NECTIN1: variants seen among roughly 807,000 people sequenced by gnomAD.
NECTIN1 encodes the protein nectin cell adhesion molecule 1.
A neutral mutation model predicts 48.0 loss-of-function variants in NECTIN1; 23 were observed. The observed-to-expected ratio is 0.48, with a 90% CI of 0.34 to 0.68. The LOEUF is 0.68. NECTIN1 is among the 30% of genes least tolerant of loss of function. The pLI, the probability that NECTIN1 is intolerant of heterozygous loss-of-function variation, is 0.01. For missense variants in NECTIN1, 591 were observed against 709.9 expected (o/e 0.83, Z 1.90); for synonymous variants, 270 against 288.9 (o/e 0.93, Z 0.66).
intron 7 of NECTIN1, among the ~76,000 whole-genome samples, chr11:119,638,560 C>T (rs1211134493): frequency 6.6e-6 from 1 of 152,140 alleles, no homozygotes; most frequent in African/African-American, 2.4e-5. Flanking sequence ...AGGTTGTCAT[C>T]TCTTAGGGTG....
intron 1 of NECTIN1, chr11:119,713,789 C>G (rs2134337088): frequency 2.2e-6 from 1 of 453,726 alleles, no homozygotes; most frequent in Admixed American, 2.4e-5. Context: ...CTCTGGAGGG[C>G]AGCTCCTATC....
chr11:119,664,682 G>A lies in NECTIN1; in HGVS notation c.*65C>T, dbSNP rs1232271157. ...GCTCCTGGAGTGGGAGGTGGGGGGT[G>A]GGCAGGGGGCGTGCGGGGAGGGGCT... On this transcript the variant is annotated 3_prime_UTR_variant, in exon 6 of 6. Coordinates refer to ENST00000264025, the MANE Select transcript of NECTIN1 (RefSeq NM_002855.5). The A allele has an allele frequency of 3.4e-6, 5 of 1,486,572 alleles. No individual in the cohort carries two copies. In the African/African-American group the frequency reaches 7.0e-5, roughly 21 times the overall value. 92.1% of individuals were successfully genotyped at this position (1,486,572 alleles called of 1,614,324 possible).
At chr11:119,657,579 C>CA (rs1253368141), downstream of NECTIN1, among the ~76,000 whole-genome samples, 1 of 145,422 alleles carries the variant, frequency 6.9e-6, no homozygotes, top group African/African-American at 2.6e-5. Flanking sequence ...TGCACCACTG[C>CA]ACTCTAGCCT....
At position 119,668,951 on chromosome 11, in the gene NECTIN1, C is replaced by T. The variant is rs767033827; in HGVS notation, c.1004-3654G>A. Among the ~76,000 whole-genome samples the T allele has an allele frequency of 8.5e-4, 130 of 152,282 alleles. 1 individual carries two copies. The Middle Eastern group carries it at 0.014, about 16-fold the overall frequency. On this transcript the variant is annotated intron_variant, in intron 5 of 5. Coordinates refer to ENST00000264025, the MANE Select transcript of NECTIN1 (RefSeq NM_002855.5). Reference sequence around the variant, plus strand: ...TAAGCTCACTATTGTTACATTTGTGCTTTCTTCAACAGCAGAGACCCAATA... The same window carrying T: ...TAAGCTCACTATTGTTACATTTGTGTTTTCTTCAACAGCAGAGACCCAATA...
chr11:119,712,623 C>T (rs977712174), intron 1 of NECTIN1, among the ~76,000 whole-genome samples: 7 of 152,150 alleles, frequency 4.6e-5, no homozygotes, highest in Non-Finnish European at 7.4e-5. Flanking sequence ...CCTTTTCTTC[C>T]TCCCTCCCTT....
chr11:119,721,890 G>A (rs1290912635), intron 1 of NECTIN1, among the ~76,000 whole-genome samples: 1 of 152,254 alleles, frequency 6.6e-6, no homozygotes, highest in Non-Finnish European at 1.5e-5. Context: ...GGTCAGCTCT[G>A]GCTGGGCCAC....
rs1591494793 is a variant in NECTIN1, at chr11:119,728,473, A to C, written c.79+2T>G. The C allele has an allele frequency of 6.2e-7, 1 of 1,600,646 alleles. No individual in the cohort carries two copies. Among genetic ancestry groups the C allele is most frequent in the Non-Finnish European group, 8.5e-7 (1 of 1,174,918 alleles). On this transcript the variant is annotated splice_donor_variant, in intron 1 of 5. Coordinates refer to ENST00000264025, the MANE Select transcript of NECTIN1 (RefSeq NM_002855.5). LOFTEE classifies it high-confidence loss of function. ...GGGGACAGCAGAGGTGAGCGCTCTT[A>C]CCTGGGAGGAAGAATGCGGTCAAGC...
At chr11:119,680,939 C>T (rs1565389701) in intron 1 of NECTIN1, among the ~76,000 whole-genome samples, 1 of 152,244 alleles carries the variant, frequency 6.6e-6, no homozygotes, top group Admixed American at 6.5e-5. Flanking sequence ...CTGCCTTTAG[C>T]AGGCAGTGGG....
chr11:119,714,685 A>T (rs945444833), intron 1 of NECTIN1, among the ~76,000 whole-genome samples: 2 of 151,862 alleles, frequency 1.3e-5, no homozygotes, highest in Admixed American at 6.5e-5. Context: ...TTAATTCCTT[A>T]ATTCCTACTG....
At position 119,694,254 on chromosome 11, in the gene NECTIN1, G is replaced by C. The variant is rs377625189; in HGVS notation, c.80-15489C>G. ...GGCAGGGTCGGACCCAGGGAGAAGA[G>C]GGGTGGGAAGGAGTGATCTGAGCCT... On this transcript the variant is annotated intron_variant, in intron 1 of 5. Transcript: ENST00000264025. 3.6e-4 allele frequency among the ~76,000 whole-genome samples: 55 copies of C among 152,306 alleles called. 2 individuals are homozygous for C. The South Asian group carries it at 1.0e-2, about 28-fold the overall frequency.
At position 119,677,533 on chromosome 11, in the gene NECTIN1, C is replaced by T. The variant is rs755754443; in HGVS notation, c.733+22G>A. On this transcript the variant is annotated intron_variant, in intron 3 of 5. Transcript: ENST00000264025. This position sits in a 1 kb window ranked among gnomAD's most constrained non-coding sequence, Gnocchi z 5.4. ...ACAGTGGCGCCCACCCCAGGAGGCC[C>T]CTGGCAGCCAGCCCTGCTCACACTG... 3 of 1,612,174 alleles carry T rather than the reference C, an allele frequency of 1.9e-6. No homozygotes were observed. Among genetic ancestry groups the T allele is most frequent in the Non-Finnish European group, 1.7e-6 (2 of 1,179,858 alleles).
chr11:119,716,214 G>A (rs1865740908), intron 1 of NECTIN1, among the ~76,000 whole-genome samples: 3 of 152,100 alleles, frequency 2.0e-5, no homozygotes, highest in African/African-American at 7.2e-5. Context: ...GACCACCCTG[G>A]AGAAGTCACA....
intron 7 of NECTIN1, chr11:119,638,305 C>T: frequency 1.2e-6 from 2 of 1,601,138 alleles, no homozygotes; most frequent in Non-Finnish European, 1.7e-6. Context: ...CTCCAGGTGG[C>T]CCTCATGGAC....
intron 5 of NECTIN1, among the ~76,000 whole-genome samples, chr11:119,647,186 T>TGC: frequency 8.3e-6 from 1 of 119,770 alleles, no homozygotes; most frequent in Non-Finnish European, 1.9e-5. Flanking sequence ...TGTGTGTGTG[T>TGC]GTGTGTGTGT....
rs551650658 is a variant in NECTIN1, at chr11:119,672,071, T to G, written c.1003+3088A>C. Among the ~76,000 whole-genome samples, 1 of 152,328 alleles carries G rather than the reference T, an allele frequency of 6.6e-6. No individual in the cohort carries two copies. Among genetic ancestry groups the G allele is most frequent in the South Asian group, 2.1e-4 (1 of 4,824 alleles). On this transcript the variant is annotated intron_variant, in intron 5 of 5. Coordinates refer to ENST00000264025, the MANE Select transcript of NECTIN1 (RefSeq NM_002855.5). This position sits in a 1 kb window ranked among gnomAD's most constrained non-coding sequence, Gnocchi z 4.3. ...GACACTGGCCTTCAAGGCCCGCAAT[T>G]CTGGGTCTGAAGAACTCCAGGACTG...
rs1249146111 is a variant in NECTIN1 at position 119,709,688 on chromosome 11, A to G, written c.79+18787T>C. ...GGCTGGGGGCTGGGAGAGGAGAGTG[A>G]TGCTCGGGGACTCCCCAACTCTCAG... On this transcript the variant is annotated intron_variant, in intron 1 of 5. Coordinates refer to ENST00000264025, the MANE Select transcript of NECTIN1 (RefSeq NM_002855.5). The surrounding 1 kb of genome is among the most constrained non-coding windows in gnomAD (Gnocchi z 4.1). Among the ~76,000 whole-genome samples the G allele has an allele frequency of 6.6e-6, 1 of 152,066 alleles. No individual in the cohort carries two copies. The highest frequency in any genetic ancestry group is 1.5e-5 in the Non-Finnish European group (1 of 68,002).
chr11:119,721,653 C>A lies in NECTIN1; in HGVS notation c.79+6822G>T, dbSNP rs560966696. 3.0e-4 allele frequency among the ~76,000 whole-genome samples: 46 copies of A among 152,312 alleles called. 1 individual carries two copies. The South Asian group carries it at 8.1e-3, about 27-fold the overall frequency. ...GTCCAGGAGAGGGCCAGCCCCCGTG[C>A]CTGTCTGCTGCTCTGTCTAGTCCAC... On this transcript the variant is annotated intron_variant, in intron 1 of 5. Transcript: ENST00000264025.
At chr11:119,716,353 G>C (rs137925995) in intron 1 of NECTIN1, among the ~76,000 whole-genome samples, 156 of 152,220 alleles carry the variant, frequency 1.0e-3, no homozygotes, top group African/African-American at 3.6e-3. Context: ...CCCAGTGGTA[G>C]CTCACAACAG....
chr11:119,640,577 G>A (rs1204621187), intron 5 of NECTIN1: 2 of 159,480 alleles, frequency 1.3e-5, no homozygotes, highest in African/African-American at 4.8e-5. Flanking sequence ...GTGGTCTAAG[G>A]TGAGGGGGCT....
Sources: gnomAD v4.1 joint callset for allele counts (sites outside exome capture counted in the v4.1 genomes callset) on GRCh38, gnomAD v4.1.1 for gene constraint, Gnocchi (gnomAD v3.1) non-coding constraint, MANE v1.5 for transcripts, NCBI Gene and HGNC (gene_info 2026-07-23, HGNC 2026-07-21) for gene names.